Variants in LSAMP observed in about 807,000 individuals in gnomAD.
LSAMP encodes the protein limbic system associated membrane protein.
In LSAMP, 7 loss-of-function variants were observed where a neutral mutation model predicts 38.6. The observed-to-expected ratio is 0.18, with a 90% CI of 0.10 to 0.34. LSAMP has a LOEUF of 0.34. LSAMP is among the 10% of genes least tolerant of loss of function. The pLI is 1.00. For synonymous variants in LSAMP, 154 were observed against 166.8 expected, an observed-to-expected ratio of 0.92 and a Z score of 0.59; for missense variants, 313 against 420.0, an observed-to-expected ratio of 0.75 and a Z score of 2.23.
At chr3:116,214,695 G>A (rs1336704586) in intron 1 of LSAMP, among the ~76,000 whole-genome samples, 3 of 151,904 alleles carry the variant, frequency 2.0e-5, no homozygotes, top group Non-Finnish European at 4.4e-5. Context: ...GAGAGACGGG[G>A]TTTCACCATG....
At chr3:116,022,651 T>C (rs983352467) in intron 2 of LSAMP, among the ~76,000 whole-genome samples, 5 of 152,206 alleles carry the variant, frequency 3.3e-5, no homozygotes, top group African/African-American at 1.2e-4. Context: ...CTCTTAAGCT[T>C]ATCTTGTCCT....
chr3:115,932,155 T>A (rs1352408682), intron 3 of LSAMP, among the ~76,000 whole-genome samples: 2 of 152,220 alleles, frequency 1.3e-5, no homozygotes, highest in Admixed American at 1.3e-4. Flanking sequence ...ATAAAATAGC[T>A]ATCATTTATT....
intron 3 of LSAMP, among the ~76,000 whole-genome samples, chr3:115,888,423 A>T (rs948299646): frequency 1.3e-5 from 2 of 151,842 alleles, no homozygotes; most frequent in Non-Finnish European, 2.9e-5. Context: ...TTACCTCTTT[A>T]ACACCTCTCC....
chr3:116,000,279 T>G (rs1437163011), intron 3 of LSAMP, among the ~76,000 whole-genome samples: 1 of 152,136 alleles, frequency 6.6e-6, no homozygotes, highest in Non-Finnish European at 1.5e-5. Flanking sequence ...TCTCACTTAA[T>G]CATCACAACA....
At chr3:115,921,361 ATTTTCTTTGT>A (rs1410750532) in intron 3 of LSAMP, among the ~76,000 whole-genome samples, 4 of 151,854 alleles carry the variant, frequency 2.6e-5, no homozygotes, top group African/African-American at 9.7e-5. Context: ...TTCTAGAGAT[ATTTTCTTTGT>A]GCCTACAAAA....
chr3:115,865,841 A>G (rs752811861), intron 3 of LSAMP, among the ~76,000 whole-genome samples: 12 of 152,192 alleles, frequency 7.9e-5, no homozygotes, highest in Non-Finnish European at 1.3e-4. Context: ...CAGACACAGA[A>G]GCCATCTTGA....
At chr3:116,283,289 G>A (rs919608897) in intron 1 of LSAMP, among the ~76,000 whole-genome samples, 5 of 152,024 alleles carry the variant, frequency 3.3e-5, no homozygotes, top group Admixed American at 3.3e-4. Flanking sequence ...CGTGTTCATC[G>A]GTGCTATTTG....
At chr3:116,274,399 G>A (rs2107674419) in intron 1 of LSAMP, among the ~76,000 whole-genome samples, 1 of 152,104 alleles carries the variant, frequency 6.6e-6, no homozygotes, top group South Asian at 2.1e-4. Flanking sequence ...CATTTTCTAT[G>A]TTTCAAATGT....
chr3:115,812,744 A>C (rs1933878959), intron 6 of LSAMP, among the ~76,000 whole-genome samples: 1 of 152,242 alleles, frequency 6.6e-6, no homozygotes. Context: ...GTAAAACAAA[A>C]GGTTTTCAGA....
At chr3:116,220,971 G>A (rs570052827) in intron 1 of LSAMP, among the ~76,000 whole-genome samples, 4 of 152,026 alleles carry the variant, frequency 2.6e-5, no homozygotes, top group Admixed American at 6.5e-5. Context: ...TGGCTAACAC[G>A]GTGAAACCCC....
At chr3:116,282,194 G>T (rs2047135691) in intron 1 of LSAMP, among the ~76,000 whole-genome samples, 1 of 152,130 alleles carries the variant, frequency 6.6e-6, no homozygotes, top group Non-Finnish European at 1.5e-5. Context: ...AAGGACAGAG[G>T]GAAAAATGCA....
chr3:116,097,344 GC>G (rs1401622112), intron 1 of LSAMP, among the ~76,000 whole-genome samples: 11 of 152,132 alleles, frequency 7.2e-5, no homozygotes, highest in Non-Finnish European at 1.5e-4. Context: ...GATGTATAAG[GC>G]ATGGCTGTAA....
rs116681357 is a variant in LSAMP at position 115,943,905 on chromosome 3, C to G, written c.514+75610G>C. ...TTTCGAACTGCTTCTCTCTCACCCTCTAGGAAAATACATCTTGTAACAGGC... is the reference window on the plus strand; with the variant it reads ...TTTCGAACTGCTTCTCTCTCACCCTGTAGGAAAATACATCTTGTAACAGGC... On this transcript the variant is annotated intron_variant, in intron 3 of 6. Transcript: ENST00000490035. Among the ~76,000 whole-genome samples, 610 of 152,274 alleles carry G rather than the reference C, an allele frequency of 4.0e-3. 7 individuals are homozygous for G. The highest frequency in any genetic ancestry group is 0.014 in the African/African-American group (567 of 41,566).
intron 1 of LSAMP, among the ~76,000 whole-genome samples, chr3:116,436,104 A>G (rs180796708): frequency 1.3e-5 from 2 of 152,326 alleles, no homozygotes; most frequent in East Asian, 3.9e-4. Context: ...AAAAACGTAA[A>G]GTGGGGAAAG....
At chr3:116,109,362 C>T (rs1046279654) in intron 1 of LSAMP, among the ~76,000 whole-genome samples, 4 of 151,458 alleles carry the variant, frequency 2.6e-5, no homozygotes, top group South Asian at 2.1e-4. Flanking sequence ...CTTGGCCTGG[C>T]GAGGAGGGGA....
chr3:116,038,129 T>C (rs1941088372), intron 2 of LSAMP, among the ~76,000 whole-genome samples: 1 of 152,166 alleles, frequency 6.6e-6, no homozygotes, highest in Non-Finnish European at 1.5e-5. Context: ...CAGAGCCTTG[T>C]TTCAGTCCCA....
intron 3 of LSAMP, among the ~76,000 whole-genome samples, chr3:115,926,909 T>A (rs1937509376): frequency 6.6e-6 from 1 of 152,212 alleles, no homozygotes; most frequent in African/African-American, 2.4e-5. Context: ...TATCTGATAA[T>A]TGGTCTCCTT....
At chr3:116,427,646 G>T (rs1436419619) in intron 1 of LSAMP, among the ~76,000 whole-genome samples, 1 of 152,012 alleles carries the variant, frequency 6.6e-6, no homozygotes, top group African/African-American at 2.4e-5. Flanking sequence ...AATACAAAAC[G>T]ATAAATTAAA....
At chr3:115,905,605 C>T (rs1460066211) in intron 3 of LSAMP, among the ~76,000 whole-genome samples, 2 of 151,938 alleles carry the variant, frequency 1.3e-5, no homozygotes, top group Non-Finnish European at 2.9e-5. Flanking sequence ...GAGTCAGTAA[C>T]ACAAAACCAA....
Sources: allele counts gnomAD v4.1 joint callset (sites outside exome capture counted in the v4.1 genomes callset), GRCh38; gene constraint gnomAD v4.1.1; transcripts MANE v1.5; gene names NCBI Gene and HGNC (gene_info 2026-07-23, HGNC 2026-07-21).